The following PSMC2 variants were observed in gnomAD, a reference collection of about 807,000 sequenced individuals.
PSMC2 encodes proteasome 26S subunit, ATPase 2.
A neutral mutation model predicts 53.3 loss-of-function variants in PSMC2; 7 were observed. The observed-to-expected ratio is 0.13, with a 90% CI of 0.07 to 0.25. The LOEUF is 0.25. PSMC2 is among the 10% of genes least tolerant of loss of function. The pLI, the probability that PSMC2 is intolerant of heterozygous loss-of-function variation, is 1.00. For synonymous variants in PSMC2, 169 were observed against 183.9 expected, an observed-to-expected ratio of 0.92 and a Z score of 0.66; for missense variants, 241 against 544.0, an observed-to-expected ratio of 0.44 and a Z score of 5.54.
intron 1 of PSMC2, among the ~76,000 whole-genome samples, chr7:103,352,230 A>AAAAT (rs1819764861): frequency 2.0e-5 from 3 of 148,416 alleles, no homozygotes; most frequent in Non-Finnish European, 4.5e-5. Flanking sequence ...AAAAAAAAAA[A>AAAAT]AAAAAAAAAA....
At chr7:103,348,560 A>AAT (rs1176614155) in intron 1 of PSMC2, 2 of 800,628 alleles carry the variant, frequency 2.5e-6, no homozygotes, top group Admixed American at 1.8e-5. Context: ...GCTGTTATAA[A>AAT]ACAATGAGTA....
chr7:103,365,668 G>A (rs1009518069), intron 8 of PSMC2, among the ~76,000 whole-genome samples: 17 of 152,102 alleles, frequency 1.1e-4, no homozygotes, highest in African/African-American at 2.2e-4. Flanking sequence ...AGTGGCTCAC[G>A]TCTGTAATCC....
rs773066092 is a variant in PSMC2 at position 103,347,761 on chromosome 7, A to C, written c.50A>C (p.Lys17Thr). 6.2e-7 allele frequency: 1 copy of C among 1,613,904 alleles called. No homozygotes were observed. Among genetic ancestry groups the C allele is most frequent in the South Asian group, 1.1e-5 (1 of 91,080 alleles). The change falls in exon 1 of 12, where the codon AAG becomes ACG. Residue 17 changes from lysine (K) to threonine (T), a missense_variant. Physicochemically the swap from Lys to Thr is moderately conservative, Grantham distance 78. Around this residue, in one of 6 missense-constraint regions of PSMC2, gnomAD observed 70 missense variants for 57.9 expected, o/e 1.21. Transcript: ENST00000292644. ...CAGCGGAAGACCAAAGAGGATGAGA[A>C]GGACGACAAGCCCATCCGAGGTCAG... ...ADQRKTKEDE[K>T]DDKPIRALDE...
chr7:103,354,921 A>G lies in PSMC2; in HGVS notation c.162A>G (p.Gln54=), dbSNP rs1306203736. The part of the protein sequence containing the change: ...QIKQVEDDIQ[Q]LLKKINELTG... ...AGCAAGTTGAAGATGACATTCAGCA[A>G]CTTCTCAAGAAAATTAATGAGCTCA... The change falls in exon 3 of 12, where the codon CAA becomes CAG. Residue 54 remains glutamine, a synonymous_variant. Transcript: ENST00000292644. 3 of 1,612,804 alleles carry G rather than the reference A, an allele frequency of 1.9e-6. No homozygotes were observed. In the Admixed American group the frequency reaches 5.0e-5, roughly 27 times the overall value.
At chr7:103,353,793 A>G (rs1363014978) in intron 1 of PSMC2, 128 bp from the exon 2 acceptor site, 2 of 773,442 alleles carry the variant, frequency 2.6e-6, no homozygotes, top group Non-Finnish European at 4.3e-6. Flanking sequence ...TATCATCATA[A>G]TCTTGCTTGA....
intron 1 of PSMC2, among the ~76,000 whole-genome samples, chr7:103,349,141 T>A (rs1038717593): frequency 8.5e-5 from 13 of 152,220 alleles, no homozygotes; most frequent in African/African-American, 3.1e-4. Context: ...TTCTTACTTT[T>A]CCCTTTCTTA....
At chr7:103,364,113 G>C in intron 7 of PSMC2, 30 bp from the exon 8 acceptor site, 1 of 1,604,748 alleles carries the variant, frequency 6.2e-7, no homozygotes, top group Non-Finnish European at 8.5e-7. Flanking sequence ...TACAGAAGTG[G>C]TAAGTGTGAA....
At chr7:103,360,839 C>T (rs1301352483) in intron 4 of PSMC2, among the ~76,000 whole-genome samples, 2 of 152,180 alleles carry the variant, frequency 1.3e-5, no homozygotes, top group African/African-American at 4.8e-5. Context: ...TGGCCGGGTG[C>T]AATGGCTCAC....
At position 103,364,199 on chromosome 7, in the gene PSMC2, T is replaced by C; in HGVS notation, c.648T>C (p.Gly216=). The C allele has an allele frequency of 6.2e-7, 1 of 1,614,188 alleles. No homozygotes were observed. The highest frequency in any genetic ancestry group is 8.5e-7 in the Non-Finnish European group (1 of 1,180,034). The change falls in exon 8 of 12, where the codon GGT becomes GGC. Residue 216 remains glycine (G), a synonymous_variant. Coordinates refer to ENST00000292644, the MANE Select transcript of PSMC2 (RefSeq NM_002803.4). ...IEPPKGVLLF[G]PPGTGKTLCA... is the part of the protein sequence containing the mutation. Reference sequence around the variant, plus strand: ...CTCCCAAGGGCGTGCTGCTCTTTGGTCCACCCGGTACAGGCAAGACACTCT... The same window carrying C: ...CTCCCAAGGGCGTGCTGCTCTTTGGCCCACCCGGTACAGGCAAGACACTCT...
chr7:103,357,714 G>C (rs1038045331), intron 4 of PSMC2, among the ~76,000 whole-genome samples: 2 of 152,178 alleles, frequency 1.3e-5, no homozygotes, highest in African/African-American at 2.4e-5. Flanking sequence ...GGTAAGCTGT[G>C]ATTGCTTTTC....
intron 4 of PSMC2, among the ~76,000 whole-genome samples, chr7:103,361,639 G>A (rs775317608): frequency 7.3e-5 from 11 of 151,668 alleles, no homozygotes; most frequent in Non-Finnish European, 1.5e-4. Context: ...AAATAAAAAC[G>A]AGAGCAACTT....
At chr7:103,361,335 C>CT (rs1820386501) in intron 4 of PSMC2, among the ~76,000 whole-genome samples, 1 of 133,430 alleles carries the variant, frequency 7.5e-6, no homozygotes, top group Non-Finnish European at 1.6e-5. Flanking sequence ...CCCCTCTCTA[C>CT]TAAAAAAAAA....
chr7:103,362,153 T>C, intron 5 of PSMC2, 65 bp downstream of exon 5: 1 of 1,599,578 alleles, frequency 6.3e-7, no homozygotes, highest in East Asian at 2.2e-5. Flanking sequence ...ATTCATATCC[T>C]TGGCTTTGTA....
In PSMC2 at chr7:103,352,745, CT is replaced by C. The variant is rs527444499; in HGVS notation, c.71-1173del. Reference sequence around the variant, plus strand: ...ACTCATCCTGGTAGATTCATTTTTTCTTTATTTCACAAAAGAGAAAACAAAG... The same window carrying C: ...ACTCATCCTGGTAGATTCATTTTTTCTTATTTCACAAAAGAGAAAACAAAG... On this transcript the variant is annotated intron_variant, in intron 1 of 11. Transcript: ENST00000292644. 1.4e-4 allele frequency: 104 copies of C among 734,886 alleles called. No homozygotes were observed. The African/African-American group carries it at 1.6e-3, about 11-fold the overall frequency. 45.5% of individuals were successfully genotyped at this position (734,886 alleles called of 1,614,324 possible). A position where few individuals can be genotyped will look rare whatever the true frequency, so the allele number is the denominator to read the frequency against.
chr7:103,354,527 T>G (rs1301753430), intron 2 of PSMC2, among the ~76,000 whole-genome samples: 1 of 151,886 alleles, frequency 6.6e-6, no homozygotes, highest in Non-Finnish European at 1.5e-5. Context: ...CACCACCACG[T>G]CTGGCTAATT....
Position 103,347,694 on chromosome 7 carries a change from G to A in PSMC2, c.-18G>A, listed in dbSNP as rs1819633120. On this transcript the variant is annotated 5_prime_UTR_variant, in exon 1 of 12. Coordinates refer to ENST00000292644, the MANE Select transcript of PSMC2 (RefSeq NM_002803.4). ...GCTGTGTAATCATTAAGGAGCGGAG[G>A]CTTTTGGAGCTGCTAAAATGCCGGA... The A allele has an allele frequency of 5.6e-6, 9 of 1,613,814 alleles. No homozygotes were observed. Among genetic ancestry groups the A allele is most frequent in the Admixed American group, 1.7e-5 (1 of 60,008 alleles).
intron 4 of PSMC2, among the ~76,000 whole-genome samples, chr7:103,356,509 T>C (rs1186021750): frequency 1.3e-5 from 2 of 152,248 alleles, no homozygotes; most frequent in Non-Finnish European, 2.9e-5. Flanking sequence ...TACGCAGTTT[T>C]CAATTTTTAC....
Position 103,354,214 on chromosome 7 carries a change from A to G in PSMC2, c.108+256A>G, listed in dbSNP as rs2116145674. Among the ~76,000 whole-genome samples the G allele has an allele frequency of 1.3e-5, 2 of 152,328 alleles. 1 individual carries two copies. The highest frequency in any genetic ancestry group is 4.1e-4 in the South Asian group (2 of 4,830). ...CATGTCTCAGTTTATGTATTATTTT[A>G]ATACTATTCGTGATTAAAATGTGAT... On this transcript the variant is annotated intron_variant, in intron 2 of 11. Transcript: ENST00000292644.
intron 9 of PSMC2, 69 bp downstream of exon 9, chr7:103,366,232 G>T: frequency 7.4e-7 from 1 of 1,356,582 alleles, no homozygotes; most frequent in Non-Finnish European, 1.0e-6. Context: ...GATATGTCGT[G>T]ATATGTTAAT....
Sources: gnomAD v4.1 joint callset for allele counts (sites outside exome capture counted in the v4.1 genomes callset) on GRCh38, gnomAD v4.1.1 for gene constraint, gnomAD v4.1.1 regional missense constraint, MANE v1.5 for transcripts, NCBI Gene and HGNC (gene_info 2026-07-23, HGNC 2026-07-21) for gene names.